EIF3D: variants seen among roughly 807,000 people sequenced by gnomAD.
The protein encoded by EIF3D is eIF3 p66.
EIF3D carries 10 observed loss-of-function variants against 75.4 expected under a neutral mutation model. That is an observed-to-expected ratio of 0.13 (90% CI 0.08 to 0.22). The LOEUF is 0.22. Ranked by LOEUF, EIF3D falls within the 10% of genes least tolerant of loss-of-function variation. The probability of loss-of-function intolerance (pLI) is 1.00; values close to 1 mark genes in which losing one functional copy is unlikely to be tolerated. For synonymous variants in EIF3D, 246 were observed against 248.3 expected, an observed-to-expected ratio of 0.99 and a Z score of 0.09; for missense variants, 394 against 708.0, an observed-to-expected ratio of 0.56 and a Z score of 5.03.
intron 12 of EIF3D, among the ~76,000 whole-genome samples, chr22:36,513,450 C>G (rs1934373564): frequency 6.6e-6 from 1 of 151,996 alleles, no homozygotes; most frequent in South Asian, 2.1e-4. Flanking sequence ...TTACAGGTGC[C>G]CGCCACCATG....
chr22:36,511,726 C>T lies in EIF3D; in HGVS notation c.1410G>A (p.Gln470=), dbSNP rs777626032. The T allele has an allele frequency of 3.1e-6, 5 of 1,614,114 alleles. No homozygotes were observed. Among genetic ancestry groups the T allele is most frequent in the South Asian group, 1.1e-5 (1 of 91,076 alleles). The change falls in exon 14 of 15, where the codon CAG becomes CAA. Residue 470 remains glutamine (Q), a synonymous_variant. Transcript: ENST00000216190. ...GGCTGGCAAACTCATTAGGCTTGAA[C>T]TGCTGGGTGCCTAGGATGACGTGGC... ...SSRHVILGTQ[Q]FKPNEFASQI...
At chr22:36,527,861 G>A (rs1041025180) in intron 1 of EIF3D, among the ~76,000 whole-genome samples, 12 of 152,168 alleles carry the variant, frequency 7.9e-5, no homozygotes, top group African/African-American at 2.7e-4. Flanking sequence ...AAAAGAACAG[G>A]TATGCTGAAC....
rs553632470 is a variant in EIF3D at position 36,511,452 on chromosome 22, C to A, written c.1633+51G>T. 5.1e-5 allele frequency: 81 copies of A among 1,598,536 alleles called. No individual in the cohort carries two copies. In the Middle Eastern group the frequency reaches 9.2e-4, roughly 18 times the overall value. ...TCACAATGGCTACAGAGCTTGCTCC[C>A]GTGCTAGCCCACAGATCACTCTAGA... On this transcript the variant is annotated intron_variant, in intron 14 of 14. Coordinates refer to ENST00000216190, the MANE Select transcript of EIF3D (RefSeq NM_003753.4).
At position 36,518,875 on chromosome 22, in the gene EIF3D, A is replaced by C; in HGVS notation, c.747T>G (p.Asp249Glu). The stretch of plus-strand genomic sequence containing the variant: ...AGCTCATCAGCGTGGCCAGGATGGC[A>C]TCAGTGGCAAACACATTCCCCTGAG... ...AKTQGNVFAT[D>E]AILATLMSCT... Residue 249 changes from aspartate (D) to glutamate (E), a missense_variant, in exon 9 of 15, where the codon GAT (aspartate) becomes GAG (glutamate). By Grantham distance (45) the Asp-to-Glu change is conservative (BLOSUM62 2). Coordinates refer to ENST00000216190, the MANE Select transcript of EIF3D (RefSeq NM_003753.4). The C allele has an allele frequency of 6.2e-7, 1 of 1,614,210 alleles. No homozygotes were observed. The highest frequency in any genetic ancestry group is 8.5e-7 in the Non-Finnish European group (1 of 1,180,032).
chr22:36,523,291 C>T lies in EIF3D; in HGVS notation c.393-10G>A, dbSNP rs371251229. 3.7e-6 allele frequency: 6 copies of T among 1,610,980 alleles called. No homozygotes were observed. Among genetic ancestry groups the T allele is most frequent in the Non-Finnish European group, 5.1e-6 (6 of 1,177,930 alleles). ...CAGTCGAATGCGTTCTCTGGAAAGACAGACATATGATCTCAGTGCAGACCT... is the reference window on the plus strand; with the variant it reads ...CAGTCGAATGCGTTCTCTGGAAAGATAGACATATGATCTCAGTGCAGACCT... On this transcript the variant is annotated splice_polypyrimidine_tract_variant and intron_variant, in intron 5 of 14. Coordinates refer to ENST00000216190, the MANE Select transcript of EIF3D (RefSeq NM_003753.4).
At chr22:36,515,316 G>A (rs1023986851) in intron 12 of EIF3D, among the ~76,000 whole-genome samples, 4 of 152,200 alleles carry the variant, frequency 2.6e-5, no homozygotes, top group Non-Finnish European at 5.9e-5. Flanking sequence ...ATCACCTGAG[G>A]CCGGGACTTC....
intron 6 of EIF3D, 93 bp from the exon 7 acceptor site, chr22:36,520,781 G>A: frequency 1.2e-6 from 1 of 820,226 alleles, no homozygotes; most frequent in Non-Finnish European, 1.9e-6. Flanking sequence ...CTGGCCTGGT[G>A]CAGTGGCTCA....
chr22:36,523,628 C>T (rs1428394243), intron 5 of EIF3D, among the ~76,000 whole-genome samples: 1 of 152,134 alleles, frequency 6.6e-6, no homozygotes, highest in Non-Finnish European at 1.5e-5. Flanking sequence ...CAGAACTGAG[C>T]CCAGGTAAGC....
At chr22:36,524,054 T>C in intron 4 of EIF3D, 74 bp from the exon 5 acceptor site, 1 of 1,449,576 alleles carries the variant, frequency 6.9e-7, no homozygotes, top group Non-Finnish European at 9.7e-7. Context: ...AAGTGGGAGG[T>C]CTTTGGAGTA....
At chr22:36,520,288 C>A (rs910827039) in intron 7 of EIF3D, among the ~76,000 whole-genome samples, 1 of 152,020 alleles carries the variant, frequency 6.6e-6, no homozygotes, top group Non-Finnish European at 1.5e-5. Context: ...TCCTGAGTAG[C>A]TGGGATTACA....
rs769863240 is a variant in EIF3D at position 36,516,736 on chromosome 22, C to T, written c.1045G>A (p.Asp349Asn). 4 of 1,614,156 alleles carry T rather than the reference C, an allele frequency of 2.5e-6. No homozygotes were observed. The African/African-American group carries it at 4.0e-5, about 16-fold the overall frequency. Residue 349 changes from aspartate to asparagine, a missense_variant, in exon 11 of 15, where the codon GAT (aspartate) becomes AAT (asparagine). Asp to Asn is a conservative substitution (Grantham distance 23). Coordinates refer to ENST00000216190, the MANE Select transcript of EIF3D (RefSeq NM_003753.4). ...GCAACAGAGGCGATTTCATTCTTATCCATGTCGTCCTCCACAAACGGGTTT... is the reference window on the plus strand; with the variant it reads ...GCAACAGAGGCGATTTCATTCTTATTCATGTCGTCCTCCACAAACGGGTTT... ...NPNPFVEDDM[D>N]KNEIASVAYR...
At chr22:36,518,616 AAAGAGTGTG>A (rs146405226) in intron 9 of EIF3D, 138 bp downstream of exon 9, 142,238 of 1,069,542 alleles carry the variant, frequency 0.13, 9,993 homozygotes, top group Middle Eastern at 0.31. Context: ...CCTAACCTCT[AAAGAGTGTG>A]GGAGATTCAG....
intron 12 of EIF3D, among the ~76,000 whole-genome samples, chr22:36,513,320 G>C (rs1458777073): frequency 6.9e-6 from 1 of 144,650 alleles, no homozygotes; most frequent in South Asian, 2.2e-4. Context: ...TTTTTTTTTT[G>C]AGACGGAGTT....
rs1397667048 is a variant in EIF3D at position 36,516,702 on chromosome 22, T to C, written c.1076+3A>G. On this transcript the variant is annotated splice_donor_region_variant and intron_variant, in intron 11 of 14. Transcript: ENST00000216190. ...CACAATACCCACCAGAGAGGTGACC[T>C]ACCGGTACGCAACAGAGGCGATTTC... 1.2e-6 allele frequency: 2 copies of C among 1,614,218 alleles called. No individual in the cohort carries two copies. The highest frequency in any genetic ancestry group is 1.3e-5 in the African/African-American group (1 of 75,066).
At chr22:36,523,388 T>G in intron 5 of EIF3D, 107 bp from the exon 6 acceptor site, 1 of 846,030 alleles carries the variant, frequency 1.2e-6, no homozygotes. Flanking sequence ...CACCACTAAC[T>G]CCTTTAAACT....
At chr22:36,519,873 C>G (rs1934485678) in intron 7 of EIF3D, among the ~76,000 whole-genome samples, 1 of 152,182 alleles carries the variant, frequency 6.6e-6, no homozygotes. Flanking sequence ...ATTCCACCTA[C>G]TTGTCCTTTG....
chr22:36,520,596 T>G lies in EIF3D; in HGVS notation c.558A>C (p.Glu186Asp). 7 of 1,613,108 alleles carry G rather than the reference T, an allele frequency of 4.3e-6. No individual in the cohort carries two copies. Among genetic ancestry groups the G allele is most frequent in the Non-Finnish European group, 5.9e-6 (7 of 1,179,172 alleles). The change falls in exon 7 of 15, where the codon GAA becomes GAC. Residue 186 changes from glutamate to aspartate, a missense_variant. Physicochemically the swap from Glu to Asp is conservative, Grantham distance 45. Coordinates refer to ENST00000216190, the MANE Select transcript of EIF3D (RefSeq NM_003753.4). Reference sequence around the variant, plus strand: ...CTTACATGTCCTGTGGCTCTGATACTTCCAAGTAGCGCATCTTCATCAACT... The same window carrying G: ...CTTACATGTCCTGTGGCTCTGATACGTCCAAGTAGCGCATCTTCATCAACT... The part of the protein sequence containing the change: ...FPQLMKMRYL[E>D]VSEPQDIECC...
intron 12 of EIF3D, among the ~76,000 whole-genome samples, chr22:36,513,677 A>G (rs188199059): frequency 2.7e-4 from 41 of 152,302 alleles, no homozygotes; most frequent in African/African-American, 9.1e-4. Context: ...TTTCCCTAAA[A>G]AATTTAAAAT....
chr22:36,526,664 G>C (rs893562306), intron 1 of EIF3D, among the ~76,000 whole-genome samples: 2 of 151,424 alleles, frequency 1.3e-5, no homozygotes, highest in African/African-American at 2.4e-5. Flanking sequence ...CTGGGGTGCA[G>C]TGGCGTGCAA....
Sources: gnomAD v4.1 joint callset for allele counts (sites outside exome capture counted in the v4.1 genomes callset) on GRCh38, gnomAD v4.1.1 for gene constraint, MANE v1.5 for transcripts, NCBI Gene and HGNC (gene_info 2026-07-23, HGNC 2026-07-21) for gene names.